POLG: variants seen among roughly 807,000 people sequenced by gnomAD.
POLG encodes the protein DNA polymerase gamma, catalytic subunit.
Under a neutral mutation model 155.4 loss-of-function variants are expected in POLG, and 110 were observed. That is an observed-to-expected ratio of 0.71 (90% confidence interval 0.61 to 0.83). POLG has a LOEUF of 0.83. Among genes scored for constraint, POLG ranks in the 40% least tolerant of loss-of-function variants. The pLI is 0.00. For missense variants in POLG, 1,685 were observed against 1,627.5 expected (o/e 1.04, Z -0.61); for synonymous variants, 701 against 631.5 (o/e 1.11, Z -1.65).
chr15:89,323,894 T>G lies in POLG; in HGVS notation c.2078A>C (p.Glu693Ala). The change falls in exon 12 of 23, where the codon GAA (glutamate) becomes GCA (alanine). Residue 693 changes from glutamate (E) to alanine (A), a missense_variant. Glu to Ala is a moderately radical substitution (Grantham distance 107, BLOSUM62 -1). Around this residue, in one of 3 missense-constraint regions of POLG, gnomAD observed 1,210 missense variants for 1,167.1 expected, o/e 1.04. Transcript: ENST00000268124. Reference protein sequence around the residue: ...DNSAIWQTVEELDYLEVEAEA... With the variant: ...DNSAIWQTVEALDYLEVEAEA... ...AGCCTCCACTTCTAAGTAATCCAGT[T>G]CTTCTACCTGGAGCAGTCCAAGGAC... 1 of 1,613,494 alleles carries G rather than the reference T, an allele frequency of 6.2e-7. No homozygotes were observed. The highest frequency in any genetic ancestry group is 8.5e-7 in the Non-Finnish European group (1 of 1,179,430).
At position 89,333,870 on chromosome 15, in the gene POLG, G is replaced by C. The variant is rs539315421; in HGVS notation, c.-116C>G. 1 of 1,276,300 alleles carries C rather than the reference G, an allele frequency of 7.8e-7. No homozygotes were observed. Among genetic ancestry groups the C allele is most frequent in the African/African-American group, 1.5e-5 (1 of 68,146 alleles). 79.1% of individuals were successfully genotyped at this position (1,276,300 alleles called of 1,614,324 possible). A position where few individuals can be genotyped will look rare whatever the true frequency, so the allele number is the denominator to read the frequency against. Reference sequence around the variant, plus strand: ...AGACACGTCCTGTCTCTGCTCTCCTGTCAGTGAAATGGGTTTGACCATGCC... The same window carrying C: ...AGACACGTCCTGTCTCTGCTCTCCTCTCAGTGAAATGGGTTTGACCATGCC... On this transcript the variant is annotated 5_prime_UTR_variant, in exon 2 of 23. Transcript: ENST00000268124.
Position 89,321,716 on chromosome 15 carries a change from G to A in POLG, c.2598+20C>T. ...CCTGGGAGAGGAAGAGCAGGGGCCA[G>A]AGGTACAGAGGTCACATACCCGGGC... On this transcript the variant is annotated intron_variant, in intron 16 of 22. Transcript: ENST00000268124. 6.5e-7 allele frequency: 1 copy of A among 1,547,796 alleles called. No individual in the cohort carries two copies. The highest frequency in any genetic ancestry group is 8.9e-7 in the Non-Finnish European group (1 of 1,120,190).
At chr15:89,320,737 G>A in intron 18 of POLG, 29 bp downstream of exon 18, 1 of 1,611,130 alleles carries the variant, frequency 6.2e-7, no homozygotes, top group South Asian at 1.1e-5. Flanking sequence ...GGTCCTGGGT[G>A]TTAAAGTGGA....
chr15:89,317,246 A>G, intron 22 of POLG, 130 bp downstream of exon 22: 2 of 794,584 alleles, frequency 2.5e-6, no homozygotes, highest in Non-Finnish European at 4.3e-6. Flanking sequence ...TTATAAACTG[A>G]AATTAGCCTA....
chr15:89,317,573 C>A (rs1395001226), intron 21 of POLG, 37 bp from the exon 22 acceptor site: 2 of 1,599,822 alleles, frequency 1.3e-6, no homozygotes, highest in Non-Finnish European at 8.6e-7. Flanking sequence ...AGTCATGCCC[C>A]TCCTGTGAAC....
intron 2 of POLG, among the ~76,000 whole-genome samples, chr15:89,332,631 G>A (rs1003247160): frequency 6.6e-6 from 1 of 151,218 alleles, no homozygotes; most frequent in African/African-American, 2.4e-5. Context: ...TGTTGGTCTG[G>A]CGTTTATGGG....
chr15:89,329,402 G>A (rs781180768), intron 3 of POLG, among the ~76,000 whole-genome samples: 7 of 152,156 alleles, frequency 4.6e-5, no homozygotes, highest in South Asian at 4.1e-4. Context: ...TCTGAGCAAC[G>A]TAGATACAGA....
At chr15:89,327,590 G>A (rs1438217539) in intron 6 of POLG, among the ~76,000 whole-genome samples, 1 of 152,120 alleles carries the variant, frequency 6.6e-6, no homozygotes, top group Non-Finnish European at 1.5e-5. Flanking sequence ...GGGTAATGTG[G>A]GAAATATAGA....
chr15:89,317,151 G>A (rs1283531786), intron 22 of POLG: 1 of 604,214 alleles, frequency 1.7e-6, no homozygotes, highest in African/African-American at 1.9e-5. Context: ...GTTGAAGTAG[G>A]GGACAGGTAC....
At chr15:89,332,979 C>A in intron 2 of POLG, 117 bp downstream of exon 2, 1 of 1,353,592 alleles carries the variant, frequency 7.4e-7, no homozygotes. Context: ...TTCAACACAT[C>A]AGCGCTCCCT....
chr15:89,320,744 T>C (rs749733039), intron 18 of POLG, 22 bp downstream of exon 18: 14 of 1,611,472 alleles, frequency 8.7e-6, no homozygotes, highest in Non-Finnish European at 5.1e-6. Context: ...GGTGTTAAAG[T>C]GGATGGGAGA....
At chr15:89,317,709 C>T in intron 21 of POLG, 173 bp from the exon 22 acceptor site, 1 of 672,166 alleles carries the variant, frequency 1.5e-6, no homozygotes, top group Non-Finnish European at 2.7e-6. Flanking sequence ...TTCCATCCAG[C>T]AGCCTAACCT....
intron 13 of POLG, among the ~76,000 whole-genome samples, chr15:89,323,187 C>T (rs928684456): frequency 1.3e-5 from 2 of 152,234 alleles, no homozygotes; most frequent in African/African-American, 4.8e-5. Flanking sequence ...CGACGTGCCC[C>T]ATGTCATTTA....
intron 10 of POLG, among the ~76,000 whole-genome samples, chr15:89,324,571 C>T (rs1345014428): frequency 1.3e-5 from 2 of 152,248 alleles, no homozygotes; most frequent in African/African-American, 4.8e-5. Context: ...CACCTACCCT[C>T]GGGCTCAAAG....
At position 89,324,121 on chromosome 15, in the gene POLG, C is replaced by T. The variant is rs2055437785; in HGVS notation, c.2056G>A (p.Ala686Thr). Residue 686 changes from alanine (A) to threonine (T), a missense_variant, in exon 11 of 23, where the codon GCC (alanine) becomes ACC (threonine). Physicochemically the swap from Ala to Thr is moderately conservative, Grantham distance 58. Around this residue, in one of 3 missense-constraint regions of POLG, gnomAD observed 1,210 missense variants for 1,167.1 expected, o/e 1.04. Transcript: ENST00000268124. ...AEEFLLTDNS[A>T]IWQTVEELDY... ...CCTGCCCTCACCGTTTGCCATATGGCACTATTGTCAGTGAGCAGGAACTCC... is the reference window on the plus strand; with the variant it reads ...CCTGCCCTCACCGTTTGCCATATGGTACTATTGTCAGTGAGCAGGAACTCC... 2 of 1,613,938 alleles carry T rather than the reference C, an allele frequency of 1.2e-6. No individual in the cohort carries two copies. The highest frequency in any genetic ancestry group is 2.7e-5 in the African/African-American group (2 of 74,930).
intron 10 of POLG, among the ~76,000 whole-genome samples, chr15:89,325,070 G>T (rs1332922607): frequency 9.4e-6 from 1 of 106,378 alleles, no homozygotes; most frequent in African/African-American, 4.2e-5. Context: ...GTGAGTGAGT[G>T]AGTGAGTGAG....
intron 2 of POLG, among the ~76,000 whole-genome samples, chr15:89,331,804 G>A (rs759318854): frequency 6.6e-5 from 10 of 151,958 alleles, no homozygotes; most frequent in Non-Finnish European, 1.3e-4. Context: ...CTCCCAGGAG[G>A]AAGGTCCCAG....
intron 6 of POLG, among the ~76,000 whole-genome samples, chr15:89,328,020 T>G (rs2055545658): frequency 6.7e-6 from 1 of 149,254 alleles, no homozygotes; most frequent in Non-Finnish European, 1.5e-5. Flanking sequence ...CAGCAAGCTA[T>G]TAGTAGTTAA....
chr15:89,317,794 A>T, intron 21 of POLG: 1 of 515,532 alleles, frequency 1.9e-6, no homozygotes, highest in Non-Finnish European at 3.5e-6. Context: ...ACACTTTATT[A>T]ATTAATATAC....
Sources: gnomAD v4.1 joint callset for allele counts (sites outside exome capture counted in the v4.1 genomes callset) on GRCh38, gnomAD v4.1.1 for gene constraint, gnomAD v4.1.1 regional missense constraint, MANE v1.5 for transcripts, NCBI Gene and HGNC (gene_info 2026-07-23, HGNC 2026-07-21) for gene names.